MAGI3: variants seen among roughly 807,000 people sequenced by gnomAD.
MAGI3 encodes membrane associated guanylate kinase, WW and PDZ domain containing 3.
In MAGI3, 43 loss-of-function variants were observed where a neutral mutation model predicts 121.8. The observed-to-expected ratio is 0.35, with a 90% CI of 0.28 to 0.46. MAGI3 has a LOEUF of 0.46. MAGI3 is among the 20% of genes least tolerant of loss of function. The pLI, the probability that MAGI3 is intolerant of heterozygous loss-of-function variation, is 1.00. For missense variants in MAGI3, 1,547 were observed against 1,797.3 expected (o/e 0.86, Z 2.52); for synonymous variants, 553 against 639.3 (o/e 0.86, Z 2.04).
At chr1:113,492,404 T>C (rs866851610) in intron 1 of MAGI3, among the ~76,000 whole-genome samples, 1 of 152,282 alleles carries the variant, frequency 6.6e-6, no homozygotes, top group East Asian at 1.9e-4. Context: ...AAACCCATAG[T>C]GAACATCATA....
rs940685725 is a variant in MAGI3 at position 113,539,402 on chromosome 1, A to G, written c.317-10113A>G. ...GAGAGACTCCGTCTCAGAAAAAAAAAAAAAAGAAAAAGCAAAAAGTTTATT... is the reference window on the plus strand; with the variant it reads ...GAGAGACTCCGTCTCAGAAAAAAAAGAAAAAGAAAAAGCAAAAAGTTTATT... On this transcript the variant is annotated intron_variant, in intron 1 of 20. Transcript: ENST00000307546. 3.9e-5 allele frequency among the ~76,000 whole-genome samples: 6 copies of G among 152,022 alleles called. No individual in the cohort carries two copies. The South Asian group carries it at 6.2e-4, about 16-fold the overall frequency.
chr1:113,556,384 C>A (rs1264400920), intron 2 of MAGI3, among the ~76,000 whole-genome samples: 3 of 151,916 alleles, frequency 2.0e-5, no homozygotes, highest in East Asian at 1.9e-4. Flanking sequence ...CCTGTAATCC[C>A]AGTGCTTTGG....
At chr1:113,635,758 A>G in intron 9 of MAGI3, among the ~76,000 whole-genome samples, 1 of 151,984 alleles carries the variant, frequency 6.6e-6, no homozygotes, top group Non-Finnish European at 1.5e-5. Flanking sequence ...GTTAGGGAGG[A>G]TTCCCTCTTT....
At chr1:113,596,245 T>C (rs533780708) in intron 6 of MAGI3, among the ~76,000 whole-genome samples, 1 of 152,274 alleles carries the variant, frequency 6.6e-6, no homozygotes, top group South Asian at 2.1e-4. Flanking sequence ...TAGAAATCAA[T>C]ACACATGTAT....
At position 113,437,922 on chromosome 1, in the gene MAGI3, C is replaced by CCTTCTCCTTCTCCTTCTCCTTCTCCTT. The variant is rs140479665; in HGVS notation, c.316+46575_316+46576insTCTCCTTCTCCTTCTCCTTCTCCTTCT. On this transcript the variant is annotated intron_variant, in intron 1 of 20. Coordinates refer to ENST00000307546, the MANE Select transcript of MAGI3 (RefSeq NM_001142782.2). Reference sequence around the variant, plus strand: ...TCCTTCTCCTTCTCCTTCTCCTTCTCCTCCTTCTCCTTCTCCTTCTCCTTC... The same window carrying CCTTCTCCTTCTCCTTCTCCTTCTCCTT: ...TCCTTCTCCTTCTCCTTCTCCTTCTCCTTCTCCTTCTCCTTCTCCTTCTCCTTCTCCTTCTCCTTCTCCTTCTCCTTC... Among the ~76,000 whole-genome samples, 44 of 10,720 alleles carry CCTTCTCCTTCTCCTTCTCCTTCTCCTT rather than the reference C, an allele frequency of 4.1e-3. 17 individuals are homozygous for CCTTCTCCTTCTCCTTCTCCTTCTCCTT. The highest frequency in any genetic ancestry group is 5.1e-3 in the African/African-American group (9 of 1,758). 7.0% of individuals were successfully genotyped at this position (10,720 alleles called of 152,430 possible). A position where few individuals can be genotyped will look rare whatever the true frequency, so the allele number is the denominator to read the frequency against.
At chr1:113,610,861 G>A (rs1273014979) in intron 6 of MAGI3, among the ~76,000 whole-genome samples, 1 of 151,954 alleles carries the variant, frequency 6.6e-6, no homozygotes, top group Non-Finnish European at 1.5e-5. Context: ...TTGAACTGGG[G>A]AGGCGGAGGT....
At chr1:113,662,566 G>T (rs760731468) in intron 16 of MAGI3, among the ~76,000 whole-genome samples, 4 of 152,096 alleles carry the variant, frequency 2.6e-5, no homozygotes, top group African/African-American at 9.7e-5. Context: ...TGGTAGTGTT[G>T]CAATACTTTT....
At chr1:113,434,011 T>C (rs958110956) in intron 1 of MAGI3, among the ~76,000 whole-genome samples, 2 of 152,148 alleles carry the variant, frequency 1.3e-5, no homozygotes, top group Admixed American at 6.6e-5. Context: ...AGAGATGAAA[T>C]GGGAGCATGT....
intron 1 of MAGI3, among the ~76,000 whole-genome samples, chr1:113,402,140 TG>T: frequency 6.6e-6 from 1 of 152,296 alleles, no homozygotes; most frequent in South Asian, 2.1e-4. Context: ...CATAAGAATT[TG>T]TGTAGAAAAT....
intron 9 of MAGI3, among the ~76,000 whole-genome samples, chr1:113,626,010 G>T (rs2101795138): frequency 6.6e-6 from 1 of 152,114 alleles, no homozygotes; most frequent in South Asian, 2.1e-4. Flanking sequence ...CTGTCACCCA[G>T]GCTGGAGGGC....
At chr1:113,619,129 A>G (rs186874490) in intron 7 of MAGI3, among the ~76,000 whole-genome samples, 1 of 152,330 alleles carries the variant, frequency 6.6e-6, no homozygotes, top group East Asian at 1.9e-4. Flanking sequence ...TTCCCAAATC[A>G]TAAATGCCAG....
chr1:113,536,244 GTATTTA>G (rs1658989499), intron 1 of MAGI3, among the ~76,000 whole-genome samples: 2 of 151,376 alleles, frequency 1.3e-5, no homozygotes, highest in South Asian at 2.1e-4. Flanking sequence ...AATTATACAT[GTATTTA>G]AACTCACAAT....
chr1:113,601,303 A>G (rs933000829), intron 6 of MAGI3, among the ~76,000 whole-genome samples: 2 of 152,170 alleles, frequency 1.3e-5, no homozygotes, highest in Non-Finnish European at 2.9e-5. Context: ...AACAGGAGAA[A>G]ATTTTTGCAA....
At chr1:113,533,191 G>A (rs1658807230) in intron 1 of MAGI3, among the ~76,000 whole-genome samples, 1 of 152,060 alleles carries the variant, frequency 6.6e-6, no homozygotes, top group African/African-American at 2.4e-5. Flanking sequence ...CTTGTTTCGT[G>A]TCTCTCTGAA....
rs116568428 is a variant in MAGI3, at chr1:113,484,053, C to T, written c.317-65462C>T. 3.1e-3 allele frequency among the ~76,000 whole-genome samples: 472 copies of T among 152,112 alleles called. 1 individual carries two copies. The highest frequency in any genetic ancestry group is 0.011 in the African/African-American group (450 of 41,468). ...TCATATCGTTCATATGCAAGTTTCT[C>T]CAGTTTTCAGATTTAGAAATAGCAA... On this transcript the variant is annotated intron_variant, in intron 1 of 20. Transcript: ENST00000307546.
At chr1:113,635,553 G>C (rs1651954119) in intron 9 of MAGI3, among the ~76,000 whole-genome samples, 1 of 152,090 alleles carries the variant, frequency 6.6e-6, no homozygotes, top group Non-Finnish European at 1.5e-5. Flanking sequence ...TATTGAACCA[G>C]TCTTGCATCC....
At chr1:113,633,637 G>A (rs1486239707) in intron 9 of MAGI3, among the ~76,000 whole-genome samples, 2 of 152,086 alleles carry the variant, frequency 1.3e-5, no homozygotes, top group African/African-American at 4.8e-5. Context: ...GTCTATCATT[G>A]TTGGACATTT....
In MAGI3 at chr1:113,449,972, A is replaced by G. The variant is rs146229872; in HGVS notation, c.316+58623A>G. On this transcript the variant is annotated intron_variant, in intron 1 of 20. Transcript: ENST00000307546. ...TGGAACCAAAGACAGCTGTTTCTAGAGAGGATTCTGTAAAGCCTGGTGCCC... is the reference window on the plus strand; with the variant it reads ...TGGAACCAAAGACAGCTGTTTCTAGGGAGGATTCTGTAAAGCCTGGTGCCC... The G allele has an allele frequency of 3.4e-4, 524 of 1,561,234 alleles. 3 individuals are homozygous for G. In the East Asian group the frequency reaches 9.3e-3, roughly 28 times the overall value.
chr1:113,660,598 T>C (rs372307145), intron 16 of MAGI3, among the ~76,000 whole-genome samples: 1 of 144,144 alleles, frequency 6.9e-6, no homozygotes, highest in African/African-American at 2.7e-5. Flanking sequence ...TGGTTGACTA[T>C]GATACTAGAT....
Sources: allele counts gnomAD v4.1 joint callset (sites outside exome capture counted in the v4.1 genomes callset), GRCh38; gene constraint gnomAD v4.1.1; transcripts MANE v1.5; gene names NCBI Gene and HGNC (gene_info 2026-07-23, HGNC 2026-07-21).